PRMT8: variants seen among roughly 807,000 people sequenced by gnomAD.
PRMT8 encodes protein arginine methyltransferase 8, also known as protein arginine N-methyltransferase 8.
A neutral mutation model predicts 47.1 loss-of-function variants in PRMT8; 7 were observed. The ratio of observed to expected loss-of-function variants is 0.15; its 90% confidence interval spans 0.08 to 0.28. The LOEUF (loss-of-function observed/expected upper bound fraction) is 0.28. PRMT8 is among the 10% of genes least tolerant of loss of function. PRMT8 has a pLI of 1.00. For synonymous variants in PRMT8, 188 were observed against 186.5 expected (o/e 1.01, Z -0.07); for missense variants, 237 against 505.4 (o/e 0.47, Z 5.09).
chr12:3,404,315 C>T (rs1463206046), intron 1 of PRMT8, among the ~76,000 whole-genome samples: 1 of 152,082 alleles, frequency 6.6e-6, no homozygotes, highest in Non-Finnish European at 1.5e-5. Flanking sequence ...AACAAAATTT[C>T]CAAGATTTTA....
intron 1 of PRMT8, among the ~76,000 whole-genome samples, chr12:3,495,319 G>A (rs1447914654): frequency 6.6e-6 from 1 of 152,128 alleles, no homozygotes; most frequent in East Asian, 1.9e-4. Flanking sequence ...GCTAGATAAA[G>A]CCCAGTTTCC....
chr12:3,395,530 G>A (rs1864240459), intron 1 of PRMT8, among the ~76,000 whole-genome samples: 1 of 152,074 alleles, frequency 6.6e-6, no homozygotes, highest in African/African-American at 2.4e-5. Context: ...TTTTGAGCGA[G>A]ATTCTTAATC....
At position 3,491,642 on chromosome 12, in the gene PRMT8, C is replaced by T; in HGVS notation, c.17C>T (p.Ser6Phe). ...CCGGCTCTTATGGGCATGAAACACT[C>T]CTCCCGCTGCCTGCTCCTGAGGAGG... MGMKH[S>F]SRCLLLRRKM... Residue 6 changes from serine (S) to phenylalanine (F), a missense_variant, in exon 1 of 10, where the codon TCC becomes TTC. By Grantham distance (155) the Ser-to-Phe change is radical (BLOSUM62 -2). Transcript: ENST00000382622. 1 of 1,612,992 alleles carries T rather than the reference C, an allele frequency of 6.2e-7. No individual in the cohort carries two copies. Among genetic ancestry groups the T allele is most frequent in the South Asian group, 1.1e-5 (1 of 90,884 alleles).
Position 3,583,156 on chromosome 12 carries a change from C to G in PRMT8, c.927C>G (p.Thr309=), listed in dbSNP as rs781118152. The G allele has an allele frequency of 5.6e-6, 9 of 1,613,912 alleles. No individual in the cohort carries two copies. In the South Asian group the frequency reaches 8.8e-5, roughly 16 times the overall value. Residue 309 remains threonine (T), a synonymous_variant, in exon 8 of 10, where the codon ACC becomes ACG. Transcript: ENST00000382622. This position sits in a 1 kb window ranked among gnomAD's most constrained non-coding sequence, Gnocchi z 4.7. Reference sequence around the variant, plus strand: ...ACGACTACGTCCACGCCCTGGTCACCTATTTTAATATTGAATTTACCAAGT... The same window carrying G: ...ACGACTACGTCCACGCCCTGGTCACGTATTTTAATATTGAATTTACCAAGT... ...QRNDYVHALV[T]YFNIEFTKCH... is the part of the protein sequence containing the mutation.
At position 3,533,103 on chromosome 12, in the gene PRMT8, T is replaced by C. The variant is rs192703890; in HGVS notation, c.76-7503T>C. Reference sequence around the variant, plus strand: ...CTCTGCCAAGATCCCAGAGTTAGAGTCAGAGATTCTATAAAACAGGGGGTT... The same window carrying C: ...CTCTGCCAAGATCCCAGAGTTAGAGCCAGAGATTCTATAAAACAGGGGGTT... On this transcript the variant is annotated intron_variant, in intron 1 of 9. Transcript: ENST00000382622. Among the ~76,000 whole-genome samples, 40 of 151,686 alleles carry C rather than the reference T, an allele frequency of 2.6e-4. No individual in the cohort carries two copies. In the East Asian group the frequency reaches 3.9e-3, roughly 15 times the overall value.
upstream of PRMT8, among the ~76,000 whole-genome samples, chr12:3,490,546 T>TC (rs1231566588): frequency 1.9e-5 from 1 of 52,750 alleles, no homozygotes; most frequent in African/African-American, 6.3e-5. Context: ...AAGACTGGAG[T>TC]GGGGGGGGGG....
chr12:3,462,847 A>G (rs1329853055), intron 1 of PRMT8: 1 of 152,036 alleles, frequency 6.6e-6, no homozygotes, highest in Admixed American at 6.5e-5. Context: ...ACCAAAAAGT[A>G]TGTGTTAGAC....
intron 1 of PRMT8, among the ~76,000 whole-genome samples, chr12:3,494,104 A>G (rs1447817490): frequency 6.6e-6 from 1 of 152,174 alleles, no homozygotes; most frequent in Admixed American, 6.5e-5. Flanking sequence ...CGGCAGGAGC[A>G]CGCCTCCACG....
At chr12:3,498,523 A>G (rs61907665) in intron 1 of PRMT8, among the ~76,000 whole-genome samples, 10,367 of 152,222 alleles carry the variant, frequency 0.068, 494 homozygotes, top group Non-Finnish European at 0.1. Flanking sequence ...TGTGAGTGAC[A>G]GGGGCCTGAC....
At chr12:3,540,967 C>A (rs11062711) in intron 2 of PRMT8, among the ~76,000 whole-genome samples, 176 bp downstream of exon 2, 1 of 152,160 alleles carries the variant, frequency 6.6e-6, no homozygotes, top group Non-Finnish European at 1.5e-5. Context: ...GGGGCCAGGC[C>A]AGGCCTGGAG....
At chr12:3,515,653 C>T (rs564354835) in intron 1 of PRMT8, among the ~76,000 whole-genome samples, 1 of 152,362 alleles carries the variant, frequency 6.6e-6, no homozygotes, top group South Asian at 2.1e-4. Context: ...CCACACTGCA[C>T]AGAACCCACC....
Position 3,514,994 on chromosome 12 carries a change from C to A in PRMT8, c.75+23294C>A, listed in dbSNP as rs1591579335. Among the ~76,000 whole-genome samples, 1 of 152,176 alleles carries A rather than the reference C, an allele frequency of 6.6e-6. No individual in the cohort carries two copies. The highest frequency in any genetic ancestry group is 6.5e-5 in the Admixed American group (1 of 15,278). On this transcript the variant is annotated intron_variant, in intron 1 of 9. Coordinates refer to ENST00000382622, the MANE Select transcript of PRMT8 (RefSeq NM_019854.5). The surrounding 1 kb of genome is among the most constrained non-coding windows in gnomAD (Gnocchi z 5.9). ...CCATTCATCCAGCACTTGCTATGTG[C>A]CAGGCACTTTTCGAAGCTTTCTACA...
chr12:3,512,728 C>T (rs566964004), intron 1 of PRMT8, among the ~76,000 whole-genome samples: 15 of 152,346 alleles, frequency 9.8e-5, no homozygotes, highest in East Asian at 7.7e-4. Context: ...GTCTCGTCTC[C>T]GCACTGCAGC....
At chr12:3,490,059 T>C (rs34596546), upstream of PRMT8, among the ~76,000 whole-genome samples, 10,639 of 152,194 alleles carry the variant, frequency 0.07, 418 homozygotes, top group Middle Eastern at 0.11. Flanking sequence ...AGGCTCACAC[T>C]TCCCAGTTAT....
intron 1 of PRMT8, among the ~76,000 whole-genome samples, chr12:3,454,375 T>A (rs1041924467): frequency 6.6e-6 from 1 of 152,040 alleles, no homozygotes; most frequent in Non-Finnish European, 1.5e-5. Context: ...CCACCTGGGC[T>A]CCCCTAAGAA....
chr12:3,456,456 C>T lies in PRMT8; in HGVS notation c.48+75014C>T, dbSNP rs1254267960. Among the ~76,000 whole-genome samples, 1 of 152,224 alleles carries T rather than the reference C, an allele frequency of 6.6e-6. No homozygotes were observed. The highest frequency in any genetic ancestry group is 1.5e-5 in the Non-Finnish European group (1 of 68,044). On this transcript the variant is annotated intron_variant, in intron 1 of 9. Transcript: ENST00000452611. This position sits in a 1 kb window ranked among gnomAD's most constrained non-coding sequence, Gnocchi z 4.2. ...CAAGGAACTCCCAGAAACTCTGAAG[C>T]CACAAGCAAAACTCCTCTCCCAGGT...
At chr12:3,480,538 C>A (rs1281116566) in intron 1 of PRMT8, among the ~76,000 whole-genome samples, 2 of 152,134 alleles carry the variant, frequency 1.3e-5, no homozygotes, top group Non-Finnish European at 2.9e-5. Context: ...CCACTCCCCA[C>A]CCCCATTTCT....
intron 1 of PRMT8, among the ~76,000 whole-genome samples, chr12:3,410,189 C>G (rs550592159): frequency 6.6e-6 from 1 of 152,308 alleles, no homozygotes; most frequent in South Asian, 2.1e-4. Flanking sequence ...CAGAATTTGG[C>G]AAACTTATTG....
chr12:3,459,413 G>A, intron 1 of PRMT8, among the ~76,000 whole-genome samples: 1 of 152,132 alleles, frequency 6.6e-6, no homozygotes, highest in Non-Finnish European at 1.5e-5. Context: ...CTCCTGTCAG[G>A]GCATCCCAGC....
Sources: allele counts gnomAD v4.1 joint callset (sites outside exome capture counted in the v4.1 genomes callset), GRCh38; gene constraint gnomAD v4.1.1; non-coding constraint Gnocchi (gnomAD v3.1); transcripts MANE v1.5; gene names NCBI Gene and HGNC (gene_info 2026-07-23, HGNC 2026-07-21).